Variants in UCHL5 observed in about 807,000 individuals in gnomAD.
The protein encoded by UCHL5 is ubiquitin carboxyl-terminal hydrolase isozyme L5.
UCHL5 carries 34 observed loss-of-function variants against 53.8 expected under a neutral mutation model. That is an observed-to-expected ratio of 0.63 (90% confidence interval 0.48 to 0.84). The LOEUF (loss-of-function observed/expected upper bound fraction) is 0.84. UCHL5 is among the 40% of genes least tolerant of loss of function. UCHL5 has a pLI of 0.00. For missense variants in UCHL5, 290 were observed against 385.6 expected, an observed-to-expected ratio of 0.75 and a Z score of 2.08; for synonymous variants, 111 against 126.3, an observed-to-expected ratio of 0.88 and a Z score of 0.81.
chr1:193,020,014 C>T (rs1656352898), intron 10 of UCHL5: 1 of 984,752 alleles, frequency 1.0e-6, no homozygotes, highest in Non-Finnish European at 1.2e-6. Flanking sequence ...TTGAGAACCA[C>T]AGGACCCTGT....
chr1:193,053,083 T>C (rs1228162717), intron 1 of UCHL5, among the ~76,000 whole-genome samples: 2 of 152,224 alleles, frequency 1.3e-5, no homozygotes, highest in African/African-American at 2.4e-5. Context: ...TAAAGATACA[T>C]GTACAAAGAG....
chr1:193,029,102 C>T, intron 6 of UCHL5, 77 bp downstream of exon 6: 5 of 1,524,328 alleles, frequency 3.3e-6, no homozygotes, highest in Non-Finnish European at 4.4e-6. Flanking sequence ...AAAATTTAAG[C>T]AGCACTGAAT....
intron 10 of UCHL5, chr1:193,018,511 T>G (rs531750037): frequency 9.1e-7 from 1 of 1,099,484 alleles, no homozygotes; most frequent in Non-Finnish European, 1.1e-6. Flanking sequence ...TAGGCAGTTT[T>G]TAAATGTGGT....
At chr1:193,020,700 A>AT (rs879632714) in intron 10 of UCHL5, among the ~76,000 whole-genome samples, 22 of 149,462 alleles carry the variant, frequency 1.5e-4, no homozygotes, top group Admixed American at 2.0e-4. Flanking sequence ...AGTACAGGCT[A>AT]TTTTTTTTTT....
intron 3 of UCHL5, among the ~76,000 whole-genome samples, chr1:193,035,583 G>C: frequency 6.6e-6 from 1 of 152,030 alleles, no homozygotes; most frequent in South Asian, 2.1e-4. Flanking sequence ...TGTTTTATGA[G>C]AAATGCTAAG....
rs536404809 is a variant in UCHL5 at position 193,050,146 on chromosome 1, T to G, written c.141-295A>C. 2.0e-5 allele frequency among the ~76,000 whole-genome samples: 3 copies of G among 152,276 alleles called. No homozygotes were observed. In the South Asian group the frequency reaches 6.2e-4, roughly 32 times the overall value. On this transcript the variant is annotated intron_variant, in intron 2 of 10. Transcript: ENST00000367454. Reference sequence around the variant, plus strand: ...CCTCACTTAAAAAATAAGAATATAGTAAAACCAGAAGCTGGCTGAACTCCA... The same window carrying G: ...CCTCACTTAAAAAATAAGAATATAGGAAAACCAGAAGCTGGCTGAACTCCA...
Position 193,059,198 on chromosome 1 carries a change from G to A in UCHL5, c.63C>T (p.Leu21=). The A allele has an allele frequency of 6.2e-7, 1 of 1,613,434 alleles. No individual in the cohort carries two copies. Among genetic ancestry groups the A allele is most frequent in the Non-Finnish European group, 8.5e-7 (1 of 1,179,754 alleles). ...MESDPGVFTE[L]IKGFGCRGAQ... ...CTTGGTTCTCACCGAATCCTTTAAT[G>A]AGCTCGGTGAAGACCCCGGGGTCGC... Residue 21 remains leucine (L), a synonymous_variant, in exon 1 of 11, where the codon CTC becomes CTT. Coordinates refer to ENST00000367454, the MANE Select transcript of UCHL5 (RefSeq NM_001199261.3). The surrounding 1 kb of genome is among the most constrained non-coding windows in gnomAD (Gnocchi z 4.9).
At chr1:193,059,449 A>G (rs781177060), upstream of UCHL5, 9 of 1,609,652 alleles carry the variant, frequency 5.6e-6, no homozygotes, top group Non-Finnish European at 6.8e-6. The surrounding 1 kb of genome is among the most constrained non-coding windows in gnomAD (Gnocchi z 4.9). Context: ...CGCTCTAGCC[A>G]CCCTAGAGAC....
chr1:193,051,397 T>C (rs1032144043), intron 2 of UCHL5, among the ~76,000 whole-genome samples: 1 of 151,692 alleles, frequency 6.6e-6, no homozygotes, highest in Non-Finnish European at 1.5e-5. Flanking sequence ...TATGCTTTAG[T>C]ACACTGAGCT....
At chr1:193,029,073 C>T in intron 6 of UCHL5, 106 bp downstream of exon 6, 3 of 1,350,186 alleles carry the variant, frequency 2.2e-6, no homozygotes, top group Non-Finnish European at 2.0e-6. Context: ...TATGTTACCT[C>T]ATAGTCACTT....
At chr1:193,059,474 C>T, upstream of UCHL5, 2 of 1,606,806 alleles carry the variant, frequency 1.2e-6, no homozygotes, top group Non-Finnish European at 1.7e-6. This position sits in a 1 kb window ranked among gnomAD's most constrained non-coding sequence, Gnocchi z 4.9. Flanking sequence ...AAACTCTTCC[C>T]AGGCCTTGCA....
intron 3 of UCHL5, among the ~76,000 whole-genome samples, chr1:193,048,462 T>C (rs974289145): frequency 1.3e-5 from 2 of 152,148 alleles, no homozygotes; most frequent in East Asian, 3.8e-4. Flanking sequence ...CATACAGGAA[T>C]AAAAGATCCA....
At chr1:193,053,837 G>A (rs1571938408) in intron 1 of UCHL5, among the ~76,000 whole-genome samples, 1 of 152,088 alleles carries the variant, frequency 6.6e-6, no homozygotes, top group African/African-American at 2.4e-5. Flanking sequence ...CATGGTACTA[G>A]GCCCTGGCAA....
At chr1:193,048,656 T>C (rs577768907) in intron 3 of UCHL5, among the ~76,000 whole-genome samples, 119 of 152,362 alleles carry the variant, frequency 7.8e-4, no homozygotes, top group Middle Eastern at 3.4e-3. Flanking sequence ...ACTTTTTTTA[T>C]TGATTTCAAC....
chr1:193,023,191 A>G (rs1250657988), intron 8 of UCHL5, 155 bp from the exon 9 acceptor site: 2 of 586,266 alleles, frequency 3.4e-6, no homozygotes, highest in Non-Finnish European at 6.0e-6. Context: ...AAAGGATAAA[A>G]GCCCCAAAAT....
chr1:193,028,108 A>C lies in UCHL5; in HGVS notation c.606T>G (p.Pro202=). ...ACTTTTGTATCCTTTTTTCTATGAC[A>C]GGCCTTACTGCACTGATCCAATCAT... is the stretch of plus-strand genomic sequence containing the variant. ...NQDDWISAVR[P]VIEKRIQKYS... The change falls in exon 7 of 11, where the codon CCT becomes CCG. Residue 202 remains proline (P), a synonymous_variant. Transcript: ENST00000367454. 2 of 1,608,578 alleles carry C rather than the reference A, an allele frequency of 1.2e-6. No homozygotes were observed. The highest frequency in any genetic ancestry group is 3.4e-5 in the Admixed American group (2 of 58,370).
intron 3 of UCHL5, among the ~76,000 whole-genome samples, chr1:193,046,213 T>C (rs909755635): frequency 1.1e-4 from 17 of 152,020 alleles, no homozygotes. Context: ...TTATTTTTTT[T>C]AGAGACAGGG....
chr1:193,034,477 A>ATTTTT (rs1420463928), intron 3 of UCHL5, among the ~76,000 whole-genome samples: 1 of 152,106 alleles, frequency 6.6e-6, no homozygotes, highest in Non-Finnish European at 1.5e-5. Flanking sequence ...CAAAGAAAAT[A>ATTTTT]CCAGGCCTAC....
chr1:193,023,350 G>A (rs1410317247), intron 8 of UCHL5, among the ~76,000 whole-genome samples: 1 of 152,082 alleles, frequency 6.6e-6, no homozygotes, highest in Admixed American at 6.6e-5. Flanking sequence ...TCAAAGGATT[G>A]TAAAATAAAC....
Sources: allele counts gnomAD v4.1 joint callset (sites outside exome capture counted in the v4.1 genomes callset), GRCh38; gene constraint gnomAD v4.1.1; non-coding constraint Gnocchi (gnomAD v3.1); transcripts MANE v1.5; gene names NCBI Gene and HGNC (gene_info 2026-07-23, HGNC 2026-07-21).